BAHCC1: variants seen among roughly 807,000 people sequenced by gnomAD.
The protein encoded by BAHCC1 is BAH domain and coiled-coil containing 1.
Under a neutral mutation model 88.2 loss-of-function variants are expected in BAHCC1, and 43 were observed. The ratio of observed to expected loss-of-function variants is 0.49; its 90% CI spans 0.38 to 0.63. BAHCC1 has a LOEUF of 0.63. BAHCC1 is among the 20% of genes least tolerant of loss of function. The pLI is 0.00. For synonymous variants in BAHCC1, 1,510 were observed against 745.5 expected (o/e 2.03, Z -16.71); for missense variants, 3,023 against 1,654.8 (o/e 1.83, Z -14.34).
In BAHCC1 at chr17:81,411,563, C is replaced by T. The variant is rs1020296224; in HGVS notation, c.178+11646C>T. The stretch of plus-strand genomic sequence containing the variant: ...TCCTTCCTTCCTTCCTTCCTTCCTT[C>T]CTTCCTTCCTTGAGAGGCCTCTCTA... On this transcript the variant is annotated intron_variant, in intron 2 of 27. Transcript: ENST00000675386. The surrounding 1 kb of genome is among the most constrained non-coding windows in gnomAD (Gnocchi z 6.2). The T allele has an allele frequency of 1.1e-4, 44 of 408,000 alleles. No homozygotes were observed. The highest frequency in any genetic ancestry group is 2.8e-4 in the South Asian group (16 of 58,006). 25.3% of individuals were successfully genotyped at this position (408,000 alleles called of 1,614,324 possible).
chr17:81,425,762 G>A (rs1385582855), intron 2 of BAHCC1, among the ~76,000 whole-genome samples: 41 of 146,534 alleles, frequency 2.8e-4, no homozygotes, highest in Middle Eastern at 3.7e-3. Flanking sequence ...GATGTGGTTG[G>A]TGGTGATGTG....
chr17:81,423,621 C>A (rs551158150), intron 2 of BAHCC1, among the ~76,000 whole-genome samples: 1 of 152,214 alleles, frequency 6.6e-6, no homozygotes, highest in African/African-American at 2.4e-5. Context: ...GGGATGGAGA[C>A]GACAAGGTGC....
chr17:81,424,274 C>T (rs1373455597), intron 2 of BAHCC1, among the ~76,000 whole-genome samples: 13 of 152,202 alleles, frequency 8.5e-5, no homozygotes, highest in Admixed American at 8.5e-4. Flanking sequence ...ACTGTGGGGC[C>T]CGTGGAGCTG....
At chr17:81,449,135 G>A (rs1343957444) in intron 11 of BAHCC1, among the ~76,000 whole-genome samples, 1 of 152,076 alleles carries the variant, frequency 6.6e-6, no homozygotes, top group Non-Finnish European at 1.5e-5. Context: ...TAGACCACGT[G>A]TCCCGGGTGG....
intron 3 of BAHCC1, among the ~76,000 whole-genome samples, chr17:81,431,327 C>T (rs1368304639): frequency 6.8e-6 from 1 of 147,040 alleles, no homozygotes; most frequent in African/African-American, 2.6e-5. Flanking sequence ...AGTTCCCAAC[C>T]CCCAGCCCGC....
At chr17:81,431,343 CTT>C (rs1482147219) in intron 3 of BAHCC1, among the ~76,000 whole-genome samples, 3 of 134,898 alleles carry the variant, frequency 2.2e-5, no homozygotes, top group Non-Finnish European at 3.2e-5. Context: ...CCCGCTGAGA[CTT>C]TATGCATAGC....
chr17:81,456,066 T>C (rs2064743509), intron 15 of BAHCC1: 1 of 526,144 alleles, frequency 1.9e-6, no homozygotes, highest in East Asian at 3.4e-5. Flanking sequence ...GTCCCCTACG[T>C]GGGGTGGGCA....
Position 81,444,551 on chromosome 17 carries a change from TG to T in BAHCC1, c.2502del (p.His835ThrfsTer139). The T allele has an allele frequency of 1.4e-6, 1 of 720,242 alleles. No individual in the cohort carries two copies. 44.6% of individuals were successfully genotyped at this position (720,242 alleles called of 1,614,324 possible). On this transcript the variant is annotated frameshift_variant, in exon 7 of 28. Coordinates refer to ENST00000675386, the MANE Select transcript of BAHCC1 (RefSeq NM_001377448.1). LOFTEE classifies it high-confidence loss of function. ...CGCACCCGCAGCCCCTCCCTGTGGA[TG>T]GGGGGGCACTCCTACGGTCAGTGAT... ...LPRTRSPSLW[M>X]GGHSYGLGHP...
chr17:81,459,154 G>T lies in BAHCC1; in HGVS notation c.5706G>T (p.Leu1902=), dbSNP rs138727773. 184 of 769,604 alleles carry T rather than the reference G, an allele frequency of 2.4e-4. 2 individuals are homozygous for T. The East Asian group carries it at 4.5e-3, about 19-fold the overall frequency. The allele number at this position is 769,604 out of a possible 1,614,324, so 47.7% of individuals were successfully genotyped here. Residue 1902 remains leucine, a synonymous_variant, in exon 21 of 28, where the codon CTG becomes CTT. Coordinates refer to ENST00000675386, the MANE Select transcript of BAHCC1 (RefSeq NM_001377448.1). ...SLLYAGSVRT[L]QPPDIYSIVI... Reference sequence around the variant, plus strand: ...TGTACGCGGGCAGCGTCAGGACCCTGCAGCCACCCGACATGTGAGGCCTGG... The same window carrying T: ...TGTACGCGGGCAGCGTCAGGACCCTTCAGCCACCCGACATGTGAGGCCTGG...
intron 11 of BAHCC1, 62 bp downstream of exon 11, chr17:81,447,910 C>T (rs1040873631): frequency 4.3e-6 from 3 of 705,330 alleles, no homozygotes; most frequent in East Asian, 2.7e-5. Context: ...ACGCCTGCCT[C>T]AGGGTCACCT....
chr17:81,451,703 C>T lies in BAHCC1; in HGVS notation c.4012C>T (p.His1338Tyr), dbSNP rs1555655782. ...GGACGTGCTAGCCTTCAACCTGCAG[C>T]ACCTGGCCACGCTGGCCACAGCCTG... ...EEDVLAFNLQ[H>Y]LATLATAWSL... The change falls in exon 12 of 28, where the codon CAC becomes TAC. Residue 1338 changes from histidine (H) to tyrosine (Y), a missense_variant. By Grantham distance (83) the His-to-Tyr change is moderately conservative (BLOSUM62 2). Transcript: ENST00000675386. 3.9e-6 allele frequency: 3 copies of T among 776,944 alleles called. No homozygotes were observed. Among genetic ancestry groups the T allele is most frequent in the South Asian group, 2.7e-5 (2 of 74,554 alleles). 48.1% of individuals were successfully genotyped at this position (776,944 alleles called of 1,614,324 possible).
At position 81,447,501 on chromosome 17, in the gene BAHCC1, C is replaced by T. The variant is rs375132882; in HGVS notation, c.3629C>T (p.Pro1210Leu). Reference protein sequence around the residue: ...SQVLEQRAGSPGALEDEGEQP... With the variant: ...SQVLEQRAGSLGALEDEGEQP... ...GTCCTGGAGCAGCGAGCAGGGAGTC[C>T]GGGTGCCCTTGAGGACGAGGGGGAG... The change falls in exon 11 of 28, where the codon CCG becomes CTG. Residue 1210 changes from proline (P) to leucine (L), a missense_variant. Pro to Leu is a moderately conservative substitution (Grantham distance 98). Coordinates refer to ENST00000675386, the MANE Select transcript of BAHCC1 (RefSeq NM_001377448.1). 5.5e-5 allele frequency: 41 copies of T among 746,576 alleles called. No homozygotes were observed. The highest frequency in any genetic ancestry group is 1.4e-4 in the African/African-American group (8 of 58,524). The allele number at this position is 746,576 out of a possible 1,614,324, so 46.2% of individuals were successfully genotyped here.
chr17:81,453,964 C>T (rs944425935), intron 14 of BAHCC1, among the ~76,000 whole-genome samples: 3 of 152,268 alleles, frequency 2.0e-5, no homozygotes, highest in Middle Eastern at 3.2e-3. Context: ...GCCCAGCCTC[C>T]TCTGTGAGCA....
At position 81,398,945 on chromosome 17, in the gene BAHCC1, A is replaced by C. The variant is rs529053669; in HGVS notation, c.-206-589A>C. 3.3e-5 allele frequency among the ~76,000 whole-genome samples: 5 copies of C among 151,872 alleles called. No individual in the cohort carries two copies. The East Asian group carries it at 7.8e-4, about 24-fold the overall frequency. ...AAAGGAAGGTTATTAAAAAAAAAAA[A>C]AACTCTTGAGTTACAATCAATAAAA... On this transcript the variant is annotated intron_variant, in intron 1 of 27. Transcript: ENST00000675386.
intron 2 of BAHCC1, among the ~76,000 whole-genome samples, chr17:81,421,434 G>T (rs1306100876): frequency 6.6e-6 from 1 of 152,246 alleles, no homozygotes; most frequent in Admixed American, 6.5e-5. Context: ...GGTGACAGTA[G>T]AGGCGTGATG....
chr17:81,460,748 C>T (rs1393295068), intron 25 of BAHCC1, 42 bp downstream of exon 25: 4 of 776,530 alleles, frequency 5.2e-6, no homozygotes, highest in Non-Finnish European at 9.6e-6. Flanking sequence ...GGGGAAGGCA[C>T]CCTCTGGGGG....
Position 81,461,968 on chromosome 17 carries a change from C to G in BAHCC1, c.7305C>G (p.Pro2435=). 2 of 774,552 alleles carry G rather than the reference C, an allele frequency of 2.6e-6. No homozygotes were observed. Among genetic ancestry groups the G allele is most frequent in the South Asian group, 2.7e-5 (2 of 73,460 alleles). 48.0% of individuals were successfully genotyped at this position (774,552 alleles called of 1,614,324 possible). A position where few individuals can be genotyped will look rare whatever the true frequency, so the allele number is the denominator to read the frequency against. Residue 2435 remains proline (P), a synonymous_variant, in exon 26 of 28, where the codon CCC becomes CCG. Coordinates refer to ENST00000675386, the MANE Select transcript of BAHCC1 (RefSeq NM_001377448.1). ...AGCTCTCCCGGAGGCAGCGGCCGCC[C>G]TCCGTGGAAAACCGGCCAAAGATCT... The part of the protein sequence containing the change: ...AKELSRRQRP[P]SVENRPKISA...
At chr17:81,446,286 TC>T (rs1298204445) in intron 10 of BAHCC1, among the ~76,000 whole-genome samples, 1 of 152,102 alleles carries the variant, frequency 6.6e-6, no homozygotes, top group Non-Finnish European at 1.5e-5. Context: ...GTTTTTTTTT[TC>T]TTTTTTTTGC....
At chr17:81,418,798 TGTGTGTGTGTAC>T (rs1413848467) in intron 2 of BAHCC1, among the ~76,000 whole-genome samples, 1 of 66,240 alleles carries the variant, frequency 1.5e-5, no homozygotes, top group African/African-American at 6.0e-5. Context: ...CGTGTGTGCG[TGTGTGTGTGTAC>T]GTGTGTGTGT....
Sources: allele counts gnomAD v4.1 joint callset (sites outside exome capture counted in the v4.1 genomes callset), GRCh38; gene constraint gnomAD v4.1.1; non-coding constraint Gnocchi (gnomAD v3.1); transcripts MANE v1.5; gene names NCBI Gene and HGNC (gene_info 2026-07-23, HGNC 2026-07-21).